Variants in PVT1 observed in about 807,000 individuals in gnomAD.
PVT1 encodes CXCR4/PVT1 fusion.
At chr8:128,038,298 C>A (rs1185915209) in intron 4 of PVT1, among the ~76,000 whole-genome samples, 1 of 152,200 alleles carries the variant, frequency 6.6e-6, no homozygotes, top group Non-Finnish European at 1.5e-5. Context: ...GAGCCTCCAT[C>A]CTGTCTTGTC....
chr8:127,886,153 G>A (rs545690879), intron 2 of PVT1, among the ~76,000 whole-genome samples: 8 of 152,242 alleles, frequency 5.3e-5, no homozygotes, highest in Non-Finnish European at 1.2e-4. Flanking sequence ...GAAGTGACCT[G>A]CAGAGCACAT....
chr8:128,029,670 C>T (rs1813365919), intron 4 of PVT1, among the ~76,000 whole-genome samples: 1 of 152,068 alleles, frequency 6.6e-6, no homozygotes, highest in Non-Finnish European at 1.5e-5. Flanking sequence ...CGTGGTGGCG[C>T]TAACCTTAGT....
intron 4 of PVT1, among the ~76,000 whole-genome samples, chr8:128,056,646 C>T (rs1229317512): frequency 6.6e-6 from 1 of 152,148 alleles, no homozygotes; most frequent in Non-Finnish European, 1.5e-5. Flanking sequence ...CCTTCTCCAC[C>T]ACACGAATGG....
chr8:128,072,631 A>G lies in PVT1; in HGVS notation n.1114+2270A>G, dbSNP rs1268051959. ...GCGAGGCTCAGGAAAACAGAATTTC[A>G]GAATCTTCTGGAAGAGATGTTTCCT... is the stretch of plus-strand genomic sequence containing the variant. On this transcript the variant is annotated intron_variant and non_coding_transcript_variant, in intron 5 of 10. Transcript: ENST00000651587. 5.9e-5 allele frequency among the ~76,000 whole-genome samples: 9 copies of G among 152,286 alleles called. No individual in the cohort carries two copies. The East Asian group carries it at 1.5e-3, about 26-fold the overall frequency.
rs542784317 is a variant in PVT1, at chr8:127,807,919, T to C, written n.372+11848T>C. Reference sequence around the variant, plus strand: ...AGTAGCTGGGACTACAGATGCCTGCTACCACGCCCGGTTAATTGTTTTGTA... The same window carrying C: ...AGTAGCTGGGACTACAGATGCCTGCCACCACGCCCGGTTAATTGTTTTGTA... On this transcript the variant is annotated intron_variant and non_coding_transcript_variant, in intron 2 of 10. Transcript: ENST00000651587. Among the ~76,000 whole-genome samples, 39 of 151,806 alleles carry C rather than the reference T, an allele frequency of 2.6e-4. No individual in the cohort carries two copies. In the South Asian group the frequency reaches 7.9e-3, roughly 31 times the overall value.
intron 4 of PVT1, among the ~76,000 whole-genome samples, chr8:128,005,062 C>A (rs999630963): frequency 6.6e-5 from 10 of 151,974 alleles, no homozygotes; most frequent in Non-Finnish European, 1.3e-4. Flanking sequence ...ATCGCTTGAA[C>A]CTGGGAGGTG....
At chr8:127,808,148 A>C (rs1814548423) in intron 2 of PVT1, among the ~76,000 whole-genome samples, 1 of 151,826 alleles carries the variant, frequency 6.6e-6, no homozygotes, top group African/African-American at 2.4e-5. Context: ...CCTGGGTTCA[A>C]GCAATTCTGG....
chr8:127,801,258 A>T (rs1814462460), intron 2 of PVT1, among the ~76,000 whole-genome samples: 2 of 152,100 alleles, frequency 1.3e-5, no homozygotes, highest in South Asian at 2.1e-4. Flanking sequence ...TTTGTTTGTT[A>T]TGAGGCAGAG....
rs145700431 is a variant in PVT1, at chr8:127,807,009, G to C, written n.372+10938G>C. Among the ~76,000 whole-genome samples the C allele has an allele frequency of 1.3e-3, 194 of 152,302 alleles. 5 individuals are homozygous for C. The East Asian group carries it at 0.031, about 24-fold the overall frequency. ...CATGCTTTACAACGTGCCAGAAATAGGATGTCTGACTCAAGTGTTGACAAG... is the reference window on the plus strand; with the variant it reads ...CATGCTTTACAACGTGCCAGAAATACGATGTCTGACTCAAGTGTTGACAAG... On this transcript the variant is annotated intron_variant and non_coding_transcript_variant, in intron 2 of 10. Coordinates refer to ENST00000651587, the Ensembl canonical transcript of PVT1.
At chr8:128,020,682 G>A (rs2130053042) in intron 4 of PVT1, among the ~76,000 whole-genome samples, 1 of 152,352 alleles carries the variant, frequency 6.6e-6, no homozygotes, top group African/African-American at 2.4e-5. Flanking sequence ...AGGGAAACCA[G>A]CTGAGCCAAC....
intron 3 of PVT1, chr8:127,984,327 C>A (rs1816918889): frequency 6.6e-6 from 1 of 152,150 alleles, no homozygotes; most frequent in African/African-American, 2.4e-5. Context: ...CTGATCACGT[C>A]CGCGTCTCTG....
chr8:127,957,369 C>G (rs781410329), intron 3 of PVT1, among the ~76,000 whole-genome samples: 1 of 152,082 alleles, frequency 6.6e-6, no homozygotes, highest in Non-Finnish European at 1.5e-5. Context: ...GAGATCAAGA[C>G]CATCCTGGCC....
chr8:127,960,561 G>T (rs1371532863), intron 3 of PVT1: 2 of 385,642 alleles, frequency 5.2e-6, no homozygotes, highest in Non-Finnish European at 1.1e-5. Context: ...GGATCTTTGT[G>T]GCCTTCTGGA....
At chr8:127,945,287 G>A (rs1350945918) in intron 3 of PVT1, among the ~76,000 whole-genome samples, 1 of 152,060 alleles carries the variant, frequency 6.6e-6, no homozygotes, top group Non-Finnish European at 1.5e-5. Flanking sequence ...AGCTCATCCA[G>A]GATTTATACC....
intron 2 of PVT1, among the ~76,000 whole-genome samples, chr8:127,868,806 C>CAT (rs74186491): frequency 0.013 from 433 of 33,570 alleles, 11 homozygotes; most frequent in African/African-American, 0.023. Flanking sequence ...TATATATGTA[C>CAT]ATATATATAT....
chr8:127,951,460 A>G (rs922108007), intron 3 of PVT1, among the ~76,000 whole-genome samples: 1 of 152,210 alleles, frequency 6.6e-6, no homozygotes, highest in Non-Finnish European at 1.5e-5. Flanking sequence ...GCTGATCAAA[A>G]GGAAGACAGC....
intron 5 of PVT1, among the ~76,000 whole-genome samples, chr8:128,076,861 G>A (rs1814097212): frequency 1.3e-5 from 2 of 152,222 alleles, no homozygotes; most frequent in Non-Finnish European, 2.9e-5. Context: ...CTGGCCCCTG[G>A]TGACACATGC....
intron 4 of PVT1, among the ~76,000 whole-genome samples, chr8:128,060,592 G>T (rs1455935226): frequency 2.0e-5 from 3 of 152,202 alleles, no homozygotes; most frequent in Non-Finnish European, 2.9e-5. Context: ...TCTCATGGGA[G>T]GGAAGGAGAC....
chr8:127,908,116 C>A (rs16902461), intron 3 of PVT1, among the ~76,000 whole-genome samples: 1 of 151,988 alleles, frequency 6.6e-6, no homozygotes, highest in Admixed American at 6.6e-5. Flanking sequence ...TTTTGGAATT[C>A]GCCTTCTTTT....
Sources: gnomAD v4.1 joint callset for allele counts (sites outside exome capture counted in the v4.1 genomes callset) on GRCh38, gnomAD v4.1.1 for gene constraint, MANE v1.5 for transcripts, NCBI Gene and HGNC (gene_info 2026-07-23, HGNC 2026-07-21) for gene names.